The following SLC28A1 variants were observed in gnomAD, a reference collection of about 807,000 sequenced individuals.
The protein encoded by SLC28A1 is solute carrier family 28 member 1.
A neutral mutation model predicts 74.8 loss-of-function variants in SLC28A1; 64 were observed. The ratio of observed to expected loss-of-function variants is 0.86; its 90% CI spans 0.70 to 1.05. The LOEUF (loss-of-function observed/expected upper bound fraction) is 1.05. SLC28A1 is among the 50% of genes least tolerant of loss of function. The pLI is 0.00. For synonymous variants in SLC28A1, 359 were observed against 335.0 expected (o/e 1.07, Z -0.78); for missense variants, 828 against 822.8 (o/e 1.01, Z -0.08).
the SLC28A1 span, among the ~76,000 whole-genome samples, chr15:84,968,447 G>A: frequency 6.6e-6 from 1 of 152,160 alleles, no homozygotes; most frequent in Admixed American, 6.5e-5. Context: ...TCTCTACATG[G>A]GCCTCTCCTT....
chr15:84,953,234 A>T, the SLC28A1 span, among the ~76,000 whole-genome samples: 1 of 152,358 alleles, frequency 6.6e-6, no homozygotes, highest in African/African-American at 2.4e-5. Context: ...TCCTCCAGGT[A>T]GGCCCAGAAC....
intron 6 of SLC28A1, 192 bp downstream of exon 6, chr15:84,895,315 G>A (rs1473308479): frequency 2.5e-6 from 4 of 1,607,436 alleles, no homozygotes; most frequent in Admixed American, 1.7e-5. Context: ...CCAGTTCTTA[G>A]TCCCAGTTAC....
At chr15:84,896,222 CA>C (rs1279784992) in intron 6 of SLC28A1, among the ~76,000 whole-genome samples, 7 of 152,132 alleles carry the variant, frequency 4.6e-5, no homozygotes, top group Non-Finnish European at 1.0e-4. Context: ...AAAAGATGTA[CA>C]AATCATATGT....
At chr15:84,964,783 A>G in the SLC28A1 span, among the ~76,000 whole-genome samples, 10 of 150,914 alleles carry the variant, frequency 6.6e-5, no homozygotes, top group Non-Finnish European at 2.9e-5. Context: ...TTAGATGGGA[A>G]GAATCTTTCC....
chr15:84,935,506 G>A lies in SLC28A1; in HGVS notation c.1569G>A (p.Lys523=), dbSNP rs1180659654. 3 of 1,613,320 alleles carry A rather than the reference G, an allele frequency of 1.9e-6. No homozygotes were observed. The highest frequency in any genetic ancestry group is 1.6e-4 in the Middle Eastern group (1 of 6,062). The change falls in exon 15 of 19, where the codon AAG becomes AAA. Residue 523 remains lysine, a synonymous_variant. Coordinates refer to ENST00000394573, the MANE Select transcript of SLC28A1 (RefSeq NM_004213.5). The part of the protein sequence containing the change: ...AGAEEWVGDR[K]QWISVRAEVL... ...CCGAGGAGTGGGTCGGCGACAGGAA[G>A]CAGTGGATCTCCGTGAGTGTCCCAG...
chr15:84,962,072 T>A, the SLC28A1 span, among the ~76,000 whole-genome samples: 5 of 152,242 alleles, frequency 3.3e-5, no homozygotes, highest in South Asian at 2.1e-4. Context: ...AATTTTTTTT[T>A]AAATTTCTTA....
the SLC28A1 span, chr15:84,975,495 T>C: frequency 2.2e-6 from 1 of 456,330 alleles, no homozygotes; most frequent in South Asian, 1.5e-5. Context: ...AACGTGTTTC[T>C]TGCTCTTAGG....
At chr15:84,889,874 T>C (rs1433532286) in intron 4 of SLC28A1, among the ~76,000 whole-genome samples, 6 of 151,274 alleles carry the variant, frequency 4.0e-5, no homozygotes, top group African/African-American at 1.5e-4. Flanking sequence ...TTTTTTTTTT[T>C]AGGCAGGTCT....
At chr15:84,924,722 C>T (rs11637139) in intron 12 of SLC28A1, among the ~76,000 whole-genome samples, 8,305 of 152,284 alleles carry the variant, frequency 0.055, 310 homozygotes, top group African/African-American at 0.1. Context: ...TAATGCTTTA[C>T]ATTCATAAAA....
intron 9 of SLC28A1, among the ~76,000 whole-genome samples, chr15:84,909,004 G>C (rs902023073): frequency 2.0e-5 from 3 of 148,720 alleles, no homozygotes; most frequent in East Asian, 4.0e-4. Flanking sequence ...GCTATATTTT[G>C]TAAAATTTGC....
the SLC28A1 span, among the ~76,000 whole-genome samples, chr15:84,968,109 C>A: frequency 1.3e-5 from 2 of 152,160 alleles, no homozygotes; most frequent in African/African-American, 4.8e-5. Flanking sequence ...GTAAGCAGGG[C>A]TGGGCTATCT....
intron 6 of SLC28A1, among the ~76,000 whole-genome samples, chr15:84,900,837 G>A (rs1374857505): frequency 1.3e-5 from 2 of 151,452 alleles, no homozygotes; most frequent in East Asian, 1.9e-4. Context: ...AGAAAGGGAA[G>A]GGGAAGGGGA....
chr15:84,972,825 C>T, the SLC28A1 span, among the ~76,000 whole-genome samples: 55 of 152,358 alleles, frequency 3.6e-4, no homozygotes, highest in Middle Eastern at 3.4e-3. Flanking sequence ...TGAATGACCA[C>T]GTAATTTACC....
At chr15:84,972,677 A>G in the SLC28A1 span, among the ~76,000 whole-genome samples, 29,364 of 152,142 alleles carry the variant, frequency 0.19, 3,200 homozygotes, top group Middle Eastern at 0.26. Context: ...AGGGCTTTCA[A>G]AGAACTTTTA....
the SLC28A1 span, among the ~76,000 whole-genome samples, chr15:84,963,562 G>A: frequency 0.01 from 1,594 of 152,302 alleles, 28 homozygotes; most frequent in African/African-American, 0.036. Context: ...AACACAGTAT[G>A]GGACAGGGCT....
intron 10 of SLC28A1, among the ~76,000 whole-genome samples, chr15:84,919,564 T>G (rs940433458): frequency 5.9e-5 from 9 of 152,216 alleles, no homozygotes; most frequent in Admixed American, 3.3e-4. Flanking sequence ...AGGGCCTTCT[T>G]GCTGTGTCAT....
the SLC28A1 span, among the ~76,000 whole-genome samples, chr15:84,966,133 A>G: frequency 3.9e-5 from 6 of 152,088 alleles, no homozygotes; most frequent in Non-Finnish European, 7.4e-5. Context: ...ACTGAAGTGC[A>G]GTGGTGCAGT....
Position 84,920,499 on chromosome 15 carries a change from A to T in SLC28A1, c.877-490A>T, listed in dbSNP as rs914250447. Among the ~76,000 whole-genome samples, 42 of 112,300 alleles carry T rather than the reference A, an allele frequency of 3.7e-4. 1 individual carries two copies. The highest frequency in any genetic ancestry group is 1.3e-3 in the African/African-American group (41 of 31,420). The allele number at this position is 112,300 out of a possible 152,430, so 73.7% of individuals were successfully genotyped here. On this transcript the variant is annotated intron_variant, in intron 10 of 18. Transcript: ENST00000394573. Reference sequence around the variant, plus strand: ...GGAAGGGGAAGGGGAAGGGCTTTCTAATAGAATGTTTCCCAAAACCTTTTC... The same window carrying T: ...GGAAGGGGAAGGGGAAGGGCTTTCTTATAGAATGTTTCCCAAAACCTTTTC...
At chr15:84,934,245 G>A (rs1404047065) in intron 13 of SLC28A1, among the ~76,000 whole-genome samples, 2 of 152,224 alleles carry the variant, frequency 1.3e-5, no homozygotes, top group African/African-American at 4.8e-5. Flanking sequence ...AGGAAACAAT[G>A]GACCAGGCAA....
Sources: allele counts gnomAD v4.1 joint callset (sites outside exome capture counted in the v4.1 genomes callset), GRCh38; gene constraint gnomAD v4.1.1; transcripts MANE v1.5; gene names NCBI Gene and HGNC (gene_info 2026-07-23, HGNC 2026-07-21).